OPRL1: variants seen among roughly 807,000 people sequenced by gnomAD.
OPRL1 encodes the protein nociceptin receptor.
A neutral mutation model predicts 15.5 loss-of-function variants in OPRL1; 5 were observed. The ratio of observed to expected loss-of-function variants is 0.32; its 90% confidence interval spans 0.17 to 0.68. The LOEUF (loss-of-function observed/expected upper bound fraction) is 0.68. Among genes scored for constraint, OPRL1 ranks in the 30% least tolerant of loss-of-function variants. The pLI, the probability that OPRL1 is intolerant of heterozygous loss-of-function variation, is 0.72. For missense variants in OPRL1, 406 were observed against 515.3 expected (o/e 0.79, Z 2.05); for synonymous variants, 223 against 230.2 (o/e 0.97, Z 0.28).
At position 64,097,763 on chromosome 20, in the gene OPRL1, ATGGCCAAG is replaced by A. The variant is rs1355154872; in HGVS notation, c.234-36_234-29del. On this transcript the variant is annotated intron_variant, in intron 3 of 4. Transcript: ENST00000336866. This position sits in a 1 kb window ranked among gnomAD's most constrained non-coding sequence, Gnocchi z 4.2. ...CCCTTTGCTGCCTGGTCCAGCCAGC[ATGGCCAAG>A]TGAAGCCTTTCTTCTCCCTCTACTC... 1 of 1,574,574 alleles carries A rather than the reference ATGGCCAAG, an allele frequency of 6.4e-7. No individual in the cohort carries two copies. Among genetic ancestry groups the A allele is most frequent in the Admixed American group, 1.7e-5 (1 of 59,100 alleles).
Position 64,084,043 on chromosome 20 carries a change from G to T in OPRL1, c.-185+3691G>T, listed in dbSNP as rs78095308. 1.8e-3 allele frequency: 2,751 copies of T among 1,502,664 alleles called. 26 individuals are homozygous for T. In the African/African-American group the frequency reaches 0.031, roughly 17 times the overall value. 93.1% of individuals were successfully genotyped at this position (1,502,664 alleles called of 1,614,324 possible). ...GGTCGCCGAAGAGCAGATGGCGGTG[G>T]CGCTGCGCAGGGAGCATGGCCGCCA... On this transcript the variant is annotated intron_variant, in intron 1 of 4. Transcript: ENST00000336866.
At chr20:64,081,810 C>T (rs941750747) in intron 1 of OPRL1, among the ~76,000 whole-genome samples, 4 of 152,156 alleles carry the variant, frequency 2.6e-5, no homozygotes, top group Admixed American at 6.5e-5. Context: ...TCAAAGGGCC[C>T]GAGTGCCGGC....
At position 64,097,863 on chromosome 20, in the gene OPRL1, C is replaced by T. The variant is rs200930937; in HGVS notation, c.295C>T (p.Leu99=). ...CTTTAACCTGGCCCTGGCCGACACT[C>T]TGGTCCTGCTGACGCTGCCCTTCCA... ...YIFNLALADT[L]VLLTLPFQGT... is the part of the protein sequence containing the mutation. The change falls in exon 4 of 5, where the codon CTG becomes TTG. Residue 99 remains leucine, a synonymous_variant. Coordinates refer to ENST00000336866, the MANE Select transcript of OPRL1 (RefSeq NM_182647.4). This position sits in a 1 kb window ranked among gnomAD's most constrained non-coding sequence, Gnocchi z 4.2. 1.2e-6 allele frequency: 2 copies of T among 1,613,498 alleles called. No homozygotes were observed. The highest frequency in any genetic ancestry group is 1.7e-6 in the Non-Finnish European group (2 of 1,180,008).
rs374624110 is a variant in OPRL1, at chr20:64,098,573, C to G, written c.887C>G (p.Thr296Ser). ...QGLGVQPSSE[T>S]AVAILRFCTA... ...CTGGGGGTTCAGCCGAGCAGCGAGA[C>G]TGCCGTGGCCATTCTGCGCTTCTGC... Residue 296 changes from threonine (T) to serine (S), a missense_variant, in exon 5 of 5, where the codon ACT becomes AGT. By Grantham distance (58) the Thr-to-Ser change is moderately conservative (BLOSUM62 1). Transcript: ENST00000336866. The G allele has an allele frequency of 6.2e-6, 10 of 1,612,710 alleles. No individual in the cohort carries two copies. The highest frequency in any genetic ancestry group is 8.5e-6 in the Non-Finnish European group (10 of 1,179,984).
At chr20:64,092,241 T>G in intron 2 of OPRL1, 125 bp downstream of exon 2, 1 of 161,760 alleles carries the variant, frequency 6.2e-6, no homozygotes, top group Non-Finnish European at 1.3e-5. Context: ...TCAGTCTCTT[T>G]TGTGCCTGCG....
At position 64,098,514 on chromosome 20, in the gene OPRL1, G is replaced by A; in HGVS notation, c.828G>A (p.Trp276Ter). 1 of 1,612,898 alleles carries A rather than the reference G, an allele frequency of 6.2e-7. No homozygotes were observed. The highest frequency in any genetic ancestry group is 8.5e-7 in the Non-Finnish European group (1 of 1,180,012). Residue 276 changes from tryptophan (W) to a stop codon, truncating the protein, a stop_gained, in exon 5 of 5, where the codon TGG (tryptophan) becomes TGA (stop). Coordinates refer to ENST00000336866, the MANE Select transcript of OPRL1 (RefSeq NM_182647.4). LOFTEE classifies it high-confidence loss of function. The stretch of plus-strand genomic sequence containing the variant: ...TAGTGGCTGTGTTCGTGGGCTGCTG[G>A]ACGCCTGTCCAGGTCTTCGTGCTGG... ...LVVVAVFVGC[W>*]TPVQVFVLAQ...
chr20:64,086,455 A>C (rs1003157314), intron 1 of OPRL1: 2 of 195,098 alleles, frequency 1.0e-5, no homozygotes, highest in African/African-American at 4.7e-5. Context: ...GGGTCCAGCA[A>C]CTGTGAGGGA....
rs375458978 is a variant in OPRL1 at position 64,098,805 on chromosome 20, C to T, written c.*6C>T. 190 of 1,580,738 alleles carry T rather than the reference C, an allele frequency of 1.2e-4. 1 individual carries two copies. Among genetic ancestry groups the T allele is most frequent in the Middle Eastern group, 6.8e-4 (4 of 5,848 alleles). ...CGGTACCGCGGCCCGCATGACTAGGCGTGGACCTGCCCATGGTGCCTGTCA... is the reference window on the plus strand; with the variant it reads ...CGGTACCGCGGCCCGCATGACTAGGTGTGGACCTGCCCATGGTGCCTGTCA... On this transcript the variant is annotated 3_prime_UTR_variant, in exon 5 of 5. Transcript: ENST00000336866.
chr20:64,083,388 T>C lies in OPRL1; in HGVS notation c.-185+3036T>C, dbSNP rs757078170. ...AGACCAGCGAGCCTTCGGAGAATTA[T>C]AACTTTATGTGGGAGGCTGGGGCGC... On this transcript the variant is annotated intron_variant, in intron 1 of 4. Transcript: ENST00000336866. This position sits in a 1 kb window ranked among gnomAD's most constrained non-coding sequence, Gnocchi z 4.9. 6.2e-7 allele frequency: 1 copy of C among 1,610,792 alleles called. No individual in the cohort carries two copies. The highest frequency in any genetic ancestry group is 1.1e-5 in the South Asian group (1 of 90,958).
intron 1 of OPRL1, among the ~76,000 whole-genome samples, chr20:64,085,328 G>T (rs1260732793): frequency 1.3e-5 from 2 of 152,170 alleles, no homozygotes; most frequent in Non-Finnish European, 2.9e-5. Context: ...AGCCACTGGT[G>T]TTCACAGAAA....
chr20:64,084,501 C>CAA, intron 1 of OPRL1: 2 of 734,428 alleles, frequency 2.7e-6, no homozygotes, highest in Non-Finnish European at 3.6e-6. Flanking sequence ...ATCTTTCCTA[C>CAA]CCGATGGACT....
At chr20:64,095,653 T>A (rs1225260580) in intron 3 of OPRL1, among the ~76,000 whole-genome samples, 2 of 151,736 alleles carry the variant, frequency 1.3e-5, no homozygotes, top group Non-Finnish European at 2.9e-5. Flanking sequence ...ACAGCTGGAA[T>A]GAGGTTTCTT....
chr20:64,090,347 G>A lies in OPRL1; in HGVS notation c.-184-1619G>A, dbSNP rs1433686538. 6.6e-6 allele frequency among the ~76,000 whole-genome samples: 1 copy of A among 152,224 alleles called. No homozygotes were observed. The highest frequency in any genetic ancestry group is 1.9e-4 in the East Asian group (1 of 5,198). Reference sequence around the variant, plus strand: ...CCTGAGTCTTGGTTGCCGTGAAGATGCAGGGAGAAATCCTGGGGGACAGCG... The same window carrying A: ...CCTGAGTCTTGGTTGCCGTGAAGATACAGGGAGAAATCCTGGGGGACAGCG... On this transcript the variant is annotated intron_variant, in intron 1 of 4. Coordinates refer to ENST00000336866, the MANE Select transcript of OPRL1 (RefSeq NM_182647.4). The surrounding 1 kb of genome is among the most constrained non-coding windows in gnomAD (Gnocchi z 4.9).
At position 64,083,421 on chromosome 20, in the gene OPRL1, A is replaced by G; in HGVS notation, c.-185+3069A>G. ...TGTGGGAGGCTGGGGCGCGTCGCACACTCTCAGTCGCCGTCACCGCGGGAA... is the reference window on the plus strand; with the variant it reads ...TGTGGGAGGCTGGGGCGCGTCGCACGCTCTCAGTCGCCGTCACCGCGGGAA... On this transcript the variant is annotated intron_variant, in intron 1 of 4. Transcript: ENST00000336866. The surrounding 1 kb of genome is among the most constrained non-coding windows in gnomAD (Gnocchi z 4.9). 6.2e-7 allele frequency: 1 copy of G among 1,610,970 alleles called. No homozygotes were observed. Among genetic ancestry groups the G allele is most frequent in the South Asian group, 1.1e-5 (1 of 90,982 alleles).
In OPRL1 at chr20:64,089,221, G is replaced by T. The variant is rs1177346810; in HGVS notation, c.-184-2745G>T. On this transcript the variant is annotated intron_variant, in intron 1 of 4. Transcript: ENST00000336866. The surrounding 1 kb of genome is among the most constrained non-coding windows in gnomAD (Gnocchi z 5.5). ...CAGAATGACACAGAACACACAAGAA[G>T]TTCAAGGGAACACATTATGAGATTG... is the stretch of plus-strand genomic sequence containing the variant. 2.6e-5 allele frequency among the ~76,000 whole-genome samples: 4 copies of T among 152,156 alleles called. No homozygotes were observed. Among genetic ancestry groups the T allele is most frequent in the Non-Finnish European group, 5.9e-5 (4 of 68,014 alleles).
intron 3 of OPRL1, among the ~76,000 whole-genome samples, chr20:64,096,564 G>T (rs1186289667): frequency 2.0e-5 from 3 of 152,036 alleles, no homozygotes; most frequent in Non-Finnish European, 1.5e-5. Flanking sequence ...CGTAATTGCG[G>T]CCTCTTTGTG....
At position 64,098,011 on chromosome 20, in the gene OPRL1, G is replaced by T. The variant is rs768146093; in HGVS notation, c.443G>T (p.Arg148Leu). 1.9e-6 allele frequency: 3 copies of T among 1,611,788 alleles called. No individual in the cohort carries two copies. The highest frequency in any genetic ancestry group is 2.5e-6 in the Non-Finnish European group (3 of 1,179,360). Residue 148 changes from arginine to leucine, a missense_variant, in exon 4 of 5, where the codon CGC (arginine) becomes CTC (leucine). Coordinates refer to ENST00000336866, the MANE Select transcript of OPRL1 (RefSeq NM_182647.4). The stretch of plus-strand genomic sequence containing the variant: ...ACCCTAACTGCCATGAGTGTGGATC[G>T]CTATGTAGCCATCTGCCACCCCATC... ...TFTLTAMSVD[R>L]YVAICHPIRA...
rs983721201 is a variant in OPRL1 at position 64,097,127 on chromosome 20, C to A, written c.234-675C>A. On this transcript the variant is annotated intron_variant, in intron 3 of 4. Transcript: ENST00000336866. The surrounding 1 kb of genome is among the most constrained non-coding windows in gnomAD (Gnocchi z 4.2). ...ATGATCACTGCCATCATCACCACCA[C>A]CATCACCACCATAATCCCCCCCAAC... Among the ~76,000 whole-genome samples, 1 of 150,100 alleles carries A rather than the reference C, an allele frequency of 6.7e-6. No individual in the cohort carries two copies. The highest frequency in any genetic ancestry group is 1.5e-5 in the Non-Finnish European group (1 of 67,412).
chr20:64,090,491 G>A lies in OPRL1; in HGVS notation c.-184-1475G>A, dbSNP rs899707560. On this transcript the variant is annotated intron_variant, in intron 1 of 4. Transcript: ENST00000336866. This position sits in a 1 kb window ranked among gnomAD's most constrained non-coding sequence, Gnocchi z 4.9. ...GTCCCCACTCATGGAGAAGGTGCTC[G>A]GAGCAGGGTCTGAGCTGTGTGGGGA... 6.6e-6 allele frequency among the ~76,000 whole-genome samples: 1 copy of A among 152,226 alleles called. No homozygotes were observed. The highest frequency in any genetic ancestry group is 1.5e-5 in the Non-Finnish European group (1 of 68,038).
Sources: gnomAD v4.1 joint callset for allele counts (sites outside exome capture counted in the v4.1 genomes callset) on GRCh38, gnomAD v4.1.1 for gene constraint, Gnocchi (gnomAD v3.1) non-coding constraint, MANE v1.5 for transcripts, NCBI Gene and HGNC (gene_info 2026-07-23, HGNC 2026-07-21) for gene names.